ZNF681: variants seen among roughly 807,000 people sequenced by gnomAD.
ZNF681 encodes the protein zinc finger protein 681, also known as hypothetical protein FLJ31526.
ZNF681 carries 37 observed loss-of-function variants against 56.0 expected under a neutral mutation model. The ratio of observed to expected loss-of-function variants is 0.66; its 90% CI spans 0.51 to 0.87. The LOEUF (loss-of-function observed/expected upper bound fraction) is 0.87. ZNF681 is among the 40% of genes least tolerant of loss of function. ZNF681 has a pLI of 0.00. For synonymous variants in ZNF681, 225 were observed against 248.6 expected (o/e 0.91, Z 0.89); for missense variants, 741 against 744.9 (o/e 0.99, Z 0.06).
In ZNF681 at chr19:23,742,887, TATA is replaced by T. The variant is rs1201557571; in HGVS notation, c.*722_*724del. 2 of 152,180 alleles carry T rather than the reference TATA, an allele frequency of 1.3e-5. No individual in the cohort carries two copies. The highest frequency in any genetic ancestry group is 4.8e-5 in the African/African-American group (2 of 41,452). The allele number at this position is 152,180 out of a possible 1,614,324, so 9.4% of individuals were successfully genotyped here. A position where few individuals can be genotyped will look rare whatever the true frequency, so the allele number is the denominator to read the frequency against. ...AACTCTGCAAAAATTTTCTACTTCT[TATA>T]ATGTTATATACAAATAATTCATTTA... On this transcript the variant is annotated 3_prime_UTR_variant, in exon 4 of 4. Coordinates refer to ENST00000402377, the MANE Select transcript of ZNF681 (RefSeq NM_138286.3).
chr19:23,758,147 T>C (rs1969151693), intron 1 of ZNF681, among the ~76,000 whole-genome samples: 1 of 152,214 alleles, frequency 6.6e-6, no homozygotes. Flanking sequence ...ACCAATTATA[T>C]GATGCTTAAT....
rs753074733 is a variant in ZNF681, at chr19:23,745,215, T to C, written c.335A>G (p.Gln112Arg). ...RYGKCEHENLQLSKSVDECKV... is the reference protein window; with the variant it reads ...RYGKCEHENLRLSKSVDECKV... ...GCACTCATCCACACTTTTACTTAAC[T>C]GTAAATTCTCATGTTCACATTTTCC... is the stretch of plus-strand genomic sequence containing the variant. Residue 112 changes from glutamine to arginine, a missense_variant, in exon 4 of 4, where the codon CAG becomes CGG. Coordinates refer to ENST00000402377, the MANE Select transcript of ZNF681 (RefSeq NM_138286.3). 14 of 1,612,522 alleles carry C rather than the reference T, an allele frequency of 8.7e-6. No individual in the cohort carries two copies. Among genetic ancestry groups the C allele is most frequent in the Middle Eastern group, 1.7e-4 (1 of 6,050 alleles).
At chr19:23,750,259 G>A (rs1969005347) in intron 3 of ZNF681, among the ~76,000 whole-genome samples, 1 of 143,690 alleles carries the variant, frequency 7.0e-6, no homozygotes, top group Non-Finnish European at 1.5e-5. Context: ...ACTCCAGCCT[G>A]GGCGACAGAG....
chr19:23,745,888 A>C (rs1174618060), intron 3 of ZNF681, among the ~76,000 whole-genome samples: 2 of 152,250 alleles, frequency 1.3e-5, no homozygotes, highest in Non-Finnish European at 2.9e-5. Flanking sequence ...ACATAGAAAG[A>C]AAATAAAAGC....
In ZNF681 at chr19:23,743,446, T is replaced by C; in HGVS notation, c.*166A>G. On this transcript the variant is annotated 3_prime_UTR_variant, in exon 4 of 4. Coordinates refer to ENST00000402377, the MANE Select transcript of ZNF681 (RefSeq NM_138286.3). ...AATGGCTTTTTCACATTCTGTATAT[T>C]TGAAATTTTTTTCTAGTACAAATGC... The C allele has an allele frequency of 1.8e-6, 1 of 548,506 alleles. No individual in the cohort carries two copies. The highest frequency in any genetic ancestry group is 3.0e-6 in the Non-Finnish European group (1 of 336,756). 34.0% of individuals were successfully genotyped at this position (548,506 alleles called of 1,614,324 possible). A position where few individuals can be genotyped will look rare whatever the true frequency, so the allele number is the denominator to read the frequency against.
intron 3 of ZNF681, among the ~76,000 whole-genome samples, chr19:23,752,970 A>G (rs111950788): frequency 6.6e-6 from 1 of 151,850 alleles, no homozygotes; most frequent in African/African-American, 2.4e-5. Context: ...ATCATATGAT[A>G]GTATATGTGT....
rs766945395 is a variant in ZNF681, at chr19:23,755,424, C to T, written c.130+1G>A. ...GAATTGTATATTGAAGTTATCCTCA[C>T]CCAAGAAGACCAGGTTTCTGTAGTT... On this transcript the variant is annotated splice_donor_variant, in intron 2 of 3. Coordinates refer to ENST00000402377, the MANE Select transcript of ZNF681 (RefSeq NM_138286.3). LOFTEE classifies it high-confidence loss of function. 3.1e-6 allele frequency: 5 copies of T among 1,609,848 alleles called. No individual in the cohort carries two copies. Among genetic ancestry groups the T allele is most frequent in the Middle Eastern group, 1.7e-4 (1 of 6,050 alleles).
At chr19:23,751,487 A>AG (rs1969030354) in intron 3 of ZNF681, among the ~76,000 whole-genome samples, 1 of 151,580 alleles carries the variant, frequency 6.6e-6, no homozygotes, top group Admixed American at 6.6e-5. Context: ...AAAAAAAAAA[A>AG]AAAGAAAACA....
rs1426347186 is a variant in ZNF681 at position 23,743,419 on chromosome 19, T to C, written c.*193A>G. 6 of 460,832 alleles carry C rather than the reference T, an allele frequency of 1.3e-5. No homozygotes were observed. The highest frequency in any genetic ancestry group is 1.0e-4 in the African/African-American group (5 of 49,658). The allele number at this position is 460,832 out of a possible 1,614,324, so 28.5% of individuals were successfully genotyped here. On this transcript the variant is annotated 3_prime_UTR_variant, in exon 4 of 4. Coordinates refer to ENST00000402377, the MANE Select transcript of ZNF681 (RefSeq NM_138286.3). ...ATGTTGAGTAAGATGTGAACAGATA[T>C]TAATGGCTTTTTCACATTCTGTATA...
intron 1 of ZNF681, among the ~76,000 whole-genome samples, chr19:23,756,013 T>C (rs1969111470): frequency 6.6e-6 from 1 of 152,112 alleles, no homozygotes; most frequent in Non-Finnish European, 1.5e-5. Context: ...CTCACAAGAA[T>C]ATAAATAATT....
intron 3 of ZNF681, among the ~76,000 whole-genome samples, chr19:23,751,659 T>C (rs1260737642): frequency 3.3e-5 from 5 of 151,952 alleles, no homozygotes; most frequent in Admixed American, 2.6e-4. Context: ...TCAATAAGCA[T>C]TTAAAAGAAA....
chr19:23,757,984 AAAAGAT>A (rs1969148791), intron 1 of ZNF681, among the ~76,000 whole-genome samples: 1 of 152,220 alleles, frequency 6.6e-6, no homozygotes, highest in African/African-American at 2.4e-5. Context: ...TAATTTTATT[AAAAGAT>A]AAATATGTAT....
rs1968897682 is a variant in ZNF681 at position 23,743,670 on chromosome 19, A to G, written c.1880T>C (p.Phe627Ser). ...LYKPKRCNSDFENTSKFSKHK... is the reference protein window; with the variant it reads ...LYKPKRCNSDSENTSKFSKHK... ...TTTAGAAAACTTTGAAGTGTTTTCA[A>G]AATCACTGTTACATCTTTTAGGTTT... Residue 627 changes from phenylalanine to serine, a missense_variant, in exon 4 of 4, where the codon TTT becomes TCT. Coordinates refer to ENST00000402377, the MANE Select transcript of ZNF681 (RefSeq NM_138286.3). 8.9e-6 allele frequency: 14 copies of G among 1,574,024 alleles called. No homozygotes were observed. The highest frequency in any genetic ancestry group is 1.2e-5 in the Non-Finnish European group (14 of 1,162,392).
Position 23,758,785 on chromosome 19 carries a change from G to A in ZNF681, c.-36C>T. On this transcript the variant is annotated 5_prime_UTR_variant, in exon 1 of 4. Transcript: ENST00000402377. ...CCGGGGGACCTGGCGTCTTAGCTAT[G>A]GATCGCCAATACCTGCAGGTCAGAG... is the stretch of plus-strand genomic sequence containing the variant. 4 of 1,614,162 alleles carry A rather than the reference G, an allele frequency of 2.5e-6. No homozygotes were observed. The highest frequency in any genetic ancestry group is 3.4e-6 in the Non-Finnish European group (4 of 1,180,018).
chr19:23,758,813 CCAT>C lies in ZNF681; in HGVS notation c.-67_-65del. 1 of 1,611,100 alleles carries C rather than the reference CCAT, an allele frequency of 6.2e-7. No homozygotes were observed. The highest frequency in any genetic ancestry group is 8.5e-7 in the Non-Finnish European group (1 of 1,177,802). On this transcript the variant is annotated 5_prime_UTR_variant, in exon 1 of 4. The change abolishes an upstream ATG in the 5' untranslated region. Coordinates refer to ENST00000402377, the MANE Select transcript of ZNF681 (RefSeq NM_138286.3). ...TCGCCAATACCTGCAGGTCAGAGGG[CCAT>C]AGAGGCTGGGCCTCTAGAAGAAGAG...
At chr19:23,745,414 AAG>A (rs1340889057) in intron 3 of ZNF681, 91 bp from the exon 4 acceptor site, 1 of 1,094,316 alleles carries the variant, frequency 9.1e-7, no homozygotes, top group African/African-American at 1.6e-5. Context: ...CAAATTACAT[AAG>A]CAAGATGGTA....
At position 23,740,870 on chromosome 19, in the gene ZNF681, C is replaced by T. The variant is rs1968867119; in HGVS notation, c.*2742G>A. 1 of 151,918 alleles carries T rather than the reference C, an allele frequency of 6.6e-6. No homozygotes were observed. 9.4% of individuals were successfully genotyped at this position (151,918 alleles called of 1,614,324 possible). On this transcript the variant is annotated 3_prime_UTR_variant, in exon 4 of 4. Coordinates refer to ENST00000402377, the MANE Select transcript of ZNF681 (RefSeq NM_138286.3). The stretch of plus-strand genomic sequence containing the variant: ...TAAAAATTATTTTTATAATCTCTGA[C>T]CAGCTCACATAGCATCTTATATAAA...
chr19:23,744,254 G>C lies in ZNF681; in HGVS notation c.1296C>G (p.Asn432Lys), dbSNP rs201927494. ...YQCEKCGKAS[N>K]QSSNLTEHKN... ...TATGTTCAGTAAGGTTTGAGGATTG[G>C]TTAGAAGCTTTGCCACATTTTTCAC... The change falls in exon 4 of 4, where the codon AAC becomes AAG. Residue 432 changes from asparagine to lysine, a missense_variant. Transcript: ENST00000402377. 31 of 1,613,300 alleles carry C rather than the reference G, an allele frequency of 1.9e-5. No individual in the cohort carries two copies. The highest frequency in any genetic ancestry group is 2.5e-5 in the Non-Finnish European group (30 of 1,179,748).
At chr19:23,756,535 C>T (rs570627443) in intron 1 of ZNF681, among the ~76,000 whole-genome samples, 29 of 152,154 alleles carry the variant, frequency 1.9e-4, no homozygotes, top group African/African-American at 7.0e-4. Context: ...AGAAAACTAA[C>T]ACAGGAAGAG....
Sources: gnomAD v4.1 joint callset for allele counts (sites outside exome capture counted in the v4.1 genomes callset) on GRCh38, gnomAD v4.1.1 for gene constraint, MANE v1.5 for transcripts, NCBI Gene and HGNC (gene_info 2026-07-23, HGNC 2026-07-21) for gene names.